NKAIN3: variants seen among roughly 807,000 people sequenced by gnomAD.
NKAIN3 encodes the protein sodium/potassium transporting ATPase interacting 3.
NKAIN3 carries 25 observed loss-of-function variants against 30.2 expected under a neutral mutation model. That is an observed-to-expected ratio of 0.83 (90% CI 0.60 to 1.16). NKAIN3 has a LOEUF of 1.16. NKAIN3 is among the 50% of genes most tolerant of loss of function. The probability of loss-of-function intolerance (pLI) is 0.00; values close to 1 mark genes in which losing one functional copy is unlikely to be tolerated. For synonymous variants in NKAIN3, 91 were observed against 89.6 expected (o/e 1.02, Z -0.09); for missense variants, 225 against 254.1 (o/e 0.89, Z 0.78).
At chr8:62,619,824 A>G (rs936041943) in intron 3 of NKAIN3, among the ~76,000 whole-genome samples, 1 of 152,164 alleles carries the variant, frequency 6.6e-6, no homozygotes, top group African/African-American at 2.4e-5. Flanking sequence ...TTGAATTGCT[A>G]GTTAAGATGT....
At chr8:62,409,079 A>G (rs1300697869) in intron 1 of NKAIN3, among the ~76,000 whole-genome samples, 3 of 152,224 alleles carry the variant, frequency 2.0e-5, no homozygotes, top group African/African-American at 4.8e-5. Context: ...ACATTTTTTC[A>G]TGCGCTTATA....
chr8:62,266,196 C>T (rs965867708), intron 1 of NKAIN3, among the ~76,000 whole-genome samples: 4 of 152,074 alleles, frequency 2.6e-5, no homozygotes, highest in African/African-American at 4.8e-5. Flanking sequence ...AATGAAGGCT[C>T]AGAGGATTTT....
chr8:62,350,537 A>C (rs1020515906), intron 1 of NKAIN3, among the ~76,000 whole-genome samples: 1 of 152,176 alleles, frequency 6.6e-6, no homozygotes, highest in East Asian at 1.9e-4. Context: ...CTGGGGACCA[A>C]CGGTGGTGAT....
At chr8:62,596,064 A>G (rs1191070900) in intron 3 of NKAIN3, among the ~76,000 whole-genome samples, 3 of 152,114 alleles carry the variant, frequency 2.0e-5, no homozygotes, top group Non-Finnish European at 4.4e-5. Context: ...GGCCTGATCC[A>G]GTAAATAATA....
intron 3 of NKAIN3, among the ~76,000 whole-genome samples, chr8:62,599,924 GA>G (rs1021667946): frequency 1.3e-5 from 2 of 151,936 alleles, no homozygotes; most frequent in African/African-American, 4.8e-5. Flanking sequence ...TGCTTGTTTG[GA>G]AGTTACAAGA....
intron 4 of NKAIN3, among the ~76,000 whole-genome samples, chr8:62,825,471 A>G (rs148938047): frequency 6.6e-6 from 1 of 152,342 alleles, no homozygotes; most frequent in East Asian, 1.9e-4. Context: ...TGATATAATG[A>G]GACAAAATTC....
rs869256384 is a variant in NKAIN3, at chr8:62,560,531, C to CTTTTTTTTTT, written c.55-18992_55-18983dup. The stretch of plus-strand genomic sequence containing the variant: ...CAGTTCACTGAATCTTTTTTCTTTT[C>CTTTTTTTTTT]TTTTTTTTTTTTTTTTTTTTTTTTT... On this transcript the variant is annotated intron_variant, in intron 1 of 6. Coordinates refer to ENST00000623646, the MANE Select transcript of NKAIN3 (RefSeq NM_001304533.3). 4.0e-4 allele frequency among the ~76,000 whole-genome samples: 18 copies of CTTTTTTTTTT among 45,352 alleles called. 1 individual carries two copies. Among genetic ancestry groups the CTTTTTTTTTT allele is most frequent in the Non-Finnish European group, 4.4e-4 (12 of 27,024 alleles). The allele number at this position is 45,352 out of a possible 152,430, so 29.8% of individuals were successfully genotyped here. A position where few individuals can be genotyped will look rare whatever the true frequency, so the allele number is the denominator to read the frequency against.
At chr8:62,836,295 A>G (rs1012117986) in intron 4 of NKAIN3, among the ~76,000 whole-genome samples, 7 of 151,950 alleles carry the variant, frequency 4.6e-5, no homozygotes, top group Non-Finnish European at 8.8e-5. Context: ...CATTCAACAA[A>G]CCTGCACATA....
intron 4 of NKAIN3, among the ~76,000 whole-genome samples, chr8:62,883,457 G>GTTGTTTTTT: frequency 0.21 from 14,327 of 69,378 alleles, 2,360 homozygotes; most frequent in African/African-American, 0.26. Flanking sequence ...AGTTTTATGG[G>GTTGTTTTTT]TTTTTTTTTT....
chr8:62,289,070 C>T (rs181425622), intron 1 of NKAIN3, among the ~76,000 whole-genome samples: 126 of 152,236 alleles, frequency 8.3e-4, no homozygotes, highest in African/African-American at 2.7e-3. Flanking sequence ...ATATCCTTTG[C>T]CCACTTTTTG....
intron 6 of NKAIN3, among the ~76,000 whole-genome samples, chr8:62,954,224 T>C (rs1313558693): frequency 1.3e-5 from 2 of 152,154 alleles, no homozygotes; most frequent in Non-Finnish European, 1.5e-5. Context: ...CAATAGTTGG[T>C]AACTACATTT....
chr8:62,494,177 T>G (rs1807159811), intron 1 of NKAIN3, among the ~76,000 whole-genome samples: 1 of 152,176 alleles, frequency 6.6e-6, no homozygotes, highest in African/African-American at 2.4e-5. Flanking sequence ...AGATGGCTAT[T>G]ATTTTGTGGT....
At chr8:62,385,150 A>G (rs1715902094) in intron 1 of NKAIN3, among the ~76,000 whole-genome samples, 2 of 152,074 alleles carry the variant, frequency 1.3e-5, no homozygotes, top group South Asian at 4.1e-4. Context: ...AGGAATAAGT[A>G]CTCTCCAAAG....
intron 4 of NKAIN3, among the ~76,000 whole-genome samples, chr8:62,906,165 A>C (rs988527741): frequency 6.6e-6 from 1 of 152,216 alleles, no homozygotes; most frequent in Non-Finnish European, 1.5e-5. Context: ...TGCCCTCTGC[A>C]CTGTGAATAA....
At chr8:62,882,463 A>T (rs912479606) in intron 4 of NKAIN3, among the ~76,000 whole-genome samples, 1 of 152,018 alleles carries the variant, frequency 6.6e-6, no homozygotes, top group Admixed American at 6.6e-5. Flanking sequence ...CATTATAGGC[A>T]TCCATCACCC....
At position 62,894,422 on chromosome 8, in the gene NKAIN3, T is replaced by C. The variant is rs139571525; in HGVS notation, c.472-24031T>C. On this transcript the variant is annotated intron_variant, in intron 4 of 6. Coordinates refer to ENST00000623646, the MANE Select transcript of NKAIN3 (RefSeq NM_001304533.3). ...CAAGATTTTCACATTACTTTTGTTT[T>C]GGTTTCACTTGTTCGGTCTTTTGTT... Among the ~76,000 whole-genome samples the C allele has an allele frequency of 8.4e-3, 1,283 of 152,328 alleles. 23 individuals carry two copies. The highest frequency in any genetic ancestry group is 0.03 in the African/African-American group (1,240 of 41,574).
At chr8:62,745,333 C>T (rs577900927) in intron 3 of NKAIN3, among the ~76,000 whole-genome samples, 8 of 152,358 alleles carry the variant, frequency 5.3e-5, no homozygotes, top group Non-Finnish European at 1.0e-4. Flanking sequence ...CGTACGGACC[C>T]TGCTCCAACA....
At chr8:62,860,396 G>T (rs1820204099) in intron 4 of NKAIN3, among the ~76,000 whole-genome samples, 1 of 152,070 alleles carries the variant, frequency 6.6e-6, no homozygotes, top group South Asian at 2.1e-4. Context: ...CTCACTCAAG[G>T]GGCTGTTGAA....
At chr8:62,444,086 A>G (rs1249330955) in intron 1 of NKAIN3, among the ~76,000 whole-genome samples, 1 of 152,168 alleles carries the variant, frequency 6.6e-6, no homozygotes, top group Non-Finnish European at 1.5e-5. Flanking sequence ...CTGCCTTCTA[A>G]TAAATTTATA....
Sources: gnomAD v4.1 joint callset for allele counts (sites outside exome capture counted in the v4.1 genomes callset) on GRCh38, gnomAD v4.1.1 for gene constraint, MANE v1.5 for transcripts, NCBI Gene and HGNC (gene_info 2026-07-23, HGNC 2026-07-21) for gene names.